Variants in CORIN observed in about 807,000 individuals in gnomAD.
CORIN encodes the protein atrial natriuretic peptide-converting enzyme.
CORIN carries 117 observed loss-of-function variants against 125.3 expected under a neutral mutation model. The ratio of observed to expected loss-of-function variants is 0.93; its 90% CI spans 0.80 to 1.09. The LOEUF (loss-of-function observed/expected upper bound fraction) is 1.09, where lower values mean the gene tolerates loss of function less well. CORIN is among the 50% of genes least tolerant of loss of function. The pLI, the probability that CORIN is intolerant of heterozygous loss-of-function variation, is 0.00. For synonymous variants in CORIN, 450 were observed against 466.4 expected (o/e 0.96, Z 0.45); for missense variants, 1,253 against 1,306.7 (o/e 0.96, Z 0.63).
At chr4:47,770,458 A>G (rs1398493891) in intron 3 of CORIN, among the ~76,000 whole-genome samples, 1 of 152,250 alleles carries the variant, frequency 6.6e-6, no homozygotes, top group African/African-American at 2.4e-5. Flanking sequence ...TATGGAAGAC[A>G]GTATGGACAT....
rs899796971 is a variant in CORIN, at chr4:47,742,454, A to G, written c.799+1948T>C. On this transcript the variant is annotated intron_variant, in intron 5 of 21. Coordinates refer to ENST00000273857, the MANE Select transcript of CORIN (RefSeq NM_006587.4). ...TCAAATTTCTTGGATACATAAAAAC[A>G]GAAAATAAAGGAAATGTTTTAAAAA... Among the ~76,000 whole-genome samples, 4 of 152,146 alleles carry G rather than the reference A, an allele frequency of 2.6e-5. No homozygotes were observed. In the South Asian group the frequency reaches 8.3e-4, roughly 32 times the overall value.
intron 16 of CORIN, 39 bp downstream of exon 16, chr4:47,641,881 T>A: frequency 6.3e-7 from 1 of 1,599,954 alleles, no homozygotes; most frequent in Non-Finnish European, 8.5e-7. Flanking sequence ...CACAAAGCCT[T>A]CTGAGAAATT....
chr4:47,752,497 C>A (rs1412382789), intron 4 of CORIN, among the ~76,000 whole-genome samples: 1 of 152,134 alleles, frequency 6.6e-6, no homozygotes, highest in African/African-American at 2.4e-5. Context: ...AATACAAAAG[C>A]TCACACTACC....
At chr4:47,679,180 CTCT>C (rs1333076322) in intron 8 of CORIN, among the ~76,000 whole-genome samples, 1 of 152,196 alleles carries the variant, frequency 6.6e-6, no homozygotes, top group Non-Finnish European at 1.5e-5. Flanking sequence ...ACTGCACTCT[CTCT>C]TAAGACCTGA....
chr4:47,605,764 G>C (rs1721624176), intron 19 of CORIN, among the ~76,000 whole-genome samples: 1 of 152,124 alleles, frequency 6.6e-6, no homozygotes, highest in Non-Finnish European at 1.5e-5. Context: ...CTGGGAGTCT[G>C]TATTTTTAAG....
At chr4:47,808,716 CAAG>C (rs1283125114) in intron 1 of CORIN, among the ~76,000 whole-genome samples, 3 of 152,058 alleles carry the variant, frequency 2.0e-5, no homozygotes, top group Admixed American at 6.6e-5. Flanking sequence ...AATTGATCTT[CAAG>C]AAGATAAGTG....
intron 5 of CORIN, among the ~76,000 whole-genome samples, chr4:47,694,739 A>G (rs922490095): frequency 6.6e-6 from 1 of 152,266 alleles, no homozygotes; most frequent in South Asian, 2.1e-4. Flanking sequence ...CTCGATTAAT[A>G]TATTTCCCAC....
At chr4:47,672,816 C>A (rs1358576087) in intron 10 of CORIN, among the ~76,000 whole-genome samples, 1 of 152,026 alleles carries the variant, frequency 6.6e-6, no homozygotes, top group Non-Finnish European at 1.5e-5. Flanking sequence ...TGGGCATGTG[C>A]TTCCAGGCAA....
chr4:47,701,689 GT>G (rs145746459), intron 5 of CORIN, among the ~76,000 whole-genome samples: 3,177 of 151,756 alleles, frequency 0.021, 102 homozygotes, highest in African/African-American at 0.072. Context: ...AAAGTAGAAA[GT>G]TTTTTTTAAA....
intron 12 of CORIN, chr4:47,661,343 G>A (rs528166970): frequency 1.2e-5 from 2 of 162,470 alleles, no homozygotes; most frequent in East Asian, 3.5e-4. Context: ...TGGATTGTTT[G>A]TAACATAAAG....
intron 12 of CORIN, among the ~76,000 whole-genome samples, chr4:47,655,561 A>G (rs1347667633): frequency 6.6e-6 from 1 of 152,134 alleles, no homozygotes; most frequent in African/African-American, 2.4e-5. Context: ...CTGGGGTGGT[A>G]GTGATCATGA....
At chr4:47,775,835 T>C (rs1199542242) in intron 3 of CORIN, among the ~76,000 whole-genome samples, 1 of 152,156 alleles carries the variant, frequency 6.6e-6, no homozygotes, top group African/African-American at 2.4e-5. Context: ...AGAGAAACTC[T>C]AGGAAAAAAC....
intron 1 of CORIN, among the ~76,000 whole-genome samples, chr4:47,824,827 G>T (rs1228605891): frequency 6.6e-6 from 1 of 152,136 alleles, no homozygotes; most frequent in African/African-American, 2.4e-5. Context: ...ACCTCTTTAG[G>T]GAATGAAACT....
chr4:47,623,069 C>CCTCTCTCTCT (rs372736248), intron 19 of CORIN, among the ~76,000 whole-genome samples: 2,355 of 93,278 alleles, frequency 0.025, 64 homozygotes, highest in African/African-American at 0.042. Flanking sequence ...CATAACATAA[C>CCTCTCTCTCT]CTCTCTCTCT....
At chr4:47,668,850 C>T (rs1028599114) in intron 10 of CORIN, among the ~76,000 whole-genome samples, 10 of 152,114 alleles carry the variant, frequency 6.6e-5, no homozygotes, top group Admixed American at 2.0e-4. Context: ...TTATTGAATT[C>T]GGTAAGGTTT....
intron 4 of CORIN, among the ~76,000 whole-genome samples, chr4:47,751,464 C>T (rs761321585): frequency 6.6e-6 from 1 of 152,162 alleles, no homozygotes; most frequent in African/African-American, 2.4e-5. Flanking sequence ...CCCTTCTCTC[C>T]CATTTTATTT....
intron 11 of CORIN, among the ~76,000 whole-genome samples, chr4:47,662,414 G>C (rs180801008): frequency 5.9e-5 from 9 of 152,204 alleles, no homozygotes; most frequent in African/African-American, 2.2e-4. Context: ...CGTTGAGCTC[G>C]AGTTGGTTAA....
chr4:47,790,690 T>G (rs991609465), intron 2 of CORIN, among the ~76,000 whole-genome samples: 1 of 152,142 alleles, frequency 6.6e-6, no homozygotes, highest in Admixed American at 6.5e-5. Flanking sequence ...GTAATGACAA[T>G]AAAATTGTCT....
intron 1 of CORIN, among the ~76,000 whole-genome samples, chr4:47,810,139 T>C (rs915581833): frequency 6.6e-6 from 1 of 152,024 alleles, no homozygotes; most frequent in Non-Finnish European, 1.5e-5. Context: ...TTTGTTGTTG[T>C]TTTTATTTTT....
Sources: allele counts gnomAD v4.1 joint callset (sites outside exome capture counted in the v4.1 genomes callset), GRCh38; gene constraint gnomAD v4.1.1; transcripts MANE v1.5; gene names NCBI Gene and HGNC (gene_info 2026-07-23, HGNC 2026-07-21).